Variants in IARS1 observed in about 807,000 individuals in gnomAD.
The protein encoded by IARS1 is isoleucyl-tRNA synthetase 1, also known as isoleucine--tRNA ligase, cytoplasmic.
A neutral mutation model predicts 168.2 loss-of-function variants in IARS1; 124 were observed. That is an observed-to-expected ratio of 0.74 (90% CI 0.64 to 0.86). The LOEUF is 0.86. Ranked by LOEUF, IARS1 falls within the 40% of genes least tolerant of loss-of-function variation. The pLI is 0.00. For synonymous variants in IARS1, 532 were observed against 529.4 expected (o/e 1.00, Z -0.07); for missense variants, 1,452 against 1,515.8 (o/e 0.96, Z 0.70).
intron 33 of IARS1, among the ~76,000 whole-genome samples, chr9:92,220,199 A>T (rs1450029479): frequency 6.8e-6 from 1 of 146,242 alleles, no homozygotes; most frequent in Non-Finnish European, 1.5e-5. Flanking sequence ...ATTCTCACTC[A>T]TAGGTGGGAA....
In IARS1 at chr9:92,247,539, G is replaced by A. The variant is rs770289543; in HGVS notation, c.2629C>T (p.Arg877Ter). 10 of 1,612,816 alleles carry A rather than the reference G, an allele frequency of 6.2e-6. No individual in the cohort carries two copies. The highest frequency in any genetic ancestry group is 2.2e-5 in the East Asian group (1 of 44,884). The change falls in exon 26 of 34, where the codon CGA becomes TGA. Residue 877 changes from arginine (R) to a stop codon, truncating the protein, a stop_gained. Coordinates refer to ENST00000443024, the MANE Select transcript of IARS1 (RefSeq NM_002161.6). LOFTEE classifies it high-confidence loss of function. ...EKYIIEELNV[R>*]KVTLSTDKNK... ...TTATCTGTAGACAGTGTAACTTTTC[G>A]AACATTGAGTTCCTACAGTTAATGC...
chr9:92,270,015 C>G, intron 12 of IARS1, 32 bp from the exon 13 acceptor site: 10 of 1,370,666 alleles, frequency 7.3e-6, no homozygotes, highest in Non-Finnish European at 1.0e-5. Flanking sequence ...CATAGCTGCT[C>G]AGGCTGAGAC....
Position 92,258,857 on chromosome 9 carries a change from C to T in IARS1, c.2013G>A (p.Gln671=). ...TGCAGCCCCCTACAGCCCATACCTTCTGGAGCCTCAGAACGTTCTGGATTA... is the reference window on the plus strand; with the variant it reads ...TGCAGCCCCCTACAGCCCATACCTTTTGGAGCCTCAGAACGTTCTGGATTA... The part of the protein sequence containing the change: ...RFLIQNVLRL[Q]KEEEIEFLYN... Residue 671 remains glutamine (Q), a synonymous_variant, in exon 19 of 34, where the codon CAG becomes CAA. Transcript: ENST00000443024. 6.2e-7 allele frequency: 1 copy of T among 1,607,390 alleles called. No homozygotes were observed. The highest frequency in any genetic ancestry group is 1.1e-5 in the South Asian group (1 of 89,868).
intron 22 of IARS1, 81 bp downstream of exon 22, chr9:92,251,727 T>C: frequency 1.1e-6 from 1 of 915,020 alleles, no homozygotes; most frequent in Admixed American, 2.0e-5. Flanking sequence ...AGAATGGATA[T>C]AAATGGAGGA....
chr9:92,246,365 CCAGGATAGTTA>C (rs1380402478), intron 26 of IARS1, among the ~76,000 whole-genome samples: 1 of 152,058 alleles, frequency 6.6e-6, no homozygotes, highest in Non-Finnish European at 1.5e-5. Flanking sequence ...AGCTTGTGCC[CCAGGATAGTTA>C]CAGGATGTCA....
At chr9:92,221,405 AG>A (rs1371415884) in intron 33 of IARS1, among the ~76,000 whole-genome samples, 1 of 152,244 alleles carries the variant, frequency 6.6e-6, no homozygotes, top group Non-Finnish European at 1.5e-5. Flanking sequence ...TACAAATAAA[AG>A]GATGGGATGG....
chr9:92,262,139 T>G (rs1167649213), intron 17 of IARS1, among the ~76,000 whole-genome samples: 1 of 151,904 alleles, frequency 6.6e-6, no homozygotes, highest in Non-Finnish European at 1.5e-5. Flanking sequence ...CATTTACCAC[T>G]CATTTGCTGT....
intron 26 of IARS1, among the ~76,000 whole-genome samples, chr9:92,245,768 ATTTT>A (rs572872450): frequency 7.0e-6 from 1 of 143,386 alleles, no homozygotes; most frequent in Non-Finnish European, 1.5e-5. Context: ...TAGCCCAGGA[ATTTT>A]TTTTTTTTTT....
At chr9:92,226,474 T>C (rs1825701225) in intron 31 of IARS1, among the ~76,000 whole-genome samples, 1 of 152,236 alleles carries the variant, frequency 6.6e-6, no homozygotes, top group African/African-American at 2.4e-5. Flanking sequence ...ATTTAAAAGT[T>C]TCTGAAAATG....
At chr9:92,239,276 C>T (rs1252256663) in intron 30 of IARS1, among the ~76,000 whole-genome samples, 1 of 152,056 alleles carries the variant, frequency 6.6e-6, no homozygotes, top group African/African-American at 2.4e-5. Context: ...TTGAGAATGT[C>T]TTTATTTTCC....
chr9:92,218,873 T>TC (rs1288484589), intron 33 of IARS1, among the ~76,000 whole-genome samples: 1 of 151,616 alleles, frequency 6.6e-6, no homozygotes, highest in African/African-American at 2.4e-5. Context: ...TTCAATGCCA[T>TC]CCCCATCAAG....
chr9:92,269,162 T>C (rs950242549), intron 13 of IARS1, among the ~76,000 whole-genome samples: 6 of 152,186 alleles, frequency 3.9e-5, no homozygotes, highest in African/African-American at 1.4e-4. Flanking sequence ...ACCACTCTGC[T>C]AAGAAATATT....
At position 92,263,062 on chromosome 9, in the gene IARS1, A is replaced by G. The variant is rs779969274; in HGVS notation, c.1701-7T>C. On this transcript the variant is annotated splice_polypyrimidine_tract_variant and splice_region_variant and intron_variant, in intron 16 of 33. Coordinates refer to ENST00000443024, the MANE Select transcript of IARS1 (RefSeq NM_002161.6). ...CACCAGCAGGGTATAAAACCTGAAA[A>G]AAAACCCCAAACAGTTCAATAAAAA... 1 of 1,602,020 alleles carries G rather than the reference A, an allele frequency of 6.2e-7. No individual in the cohort carries two copies. The highest frequency in any genetic ancestry group is 1.1e-5 in the South Asian group (1 of 90,820).
At chr9:92,281,430 G>T (rs1448298808) in intron 6 of IARS1, among the ~76,000 whole-genome samples, 1 of 151,922 alleles carries the variant, frequency 6.6e-6, no homozygotes, top group African/African-American at 2.4e-5. Context: ...CACCATGCCT[G>T]GCCTCTGGTA....
Position 92,251,802 on chromosome 9 carries a change from T to C in IARS1, c.2307+6A>G, listed in dbSNP as rs760777530. The C allele has an allele frequency of 6.2e-7, 1 of 1,611,802 alleles. No individual in the cohort carries two copies. Among genetic ancestry groups the C allele is most frequent in the East Asian group, 2.2e-5 (1 of 44,878 alleles). On this transcript the variant is annotated splice_donor_region_variant and intron_variant, in intron 22 of 33. Coordinates refer to ENST00000443024, the MANE Select transcript of IARS1 (RefSeq NM_002161.6). ...AAGGGTACTAGAAAGAAGCCAATCATCTTACCATAAGTCTGCAAAGAGAAA... is the reference window on the plus strand; with the variant it reads ...AAGGGTACTAGAAAGAAGCCAATCACCTTACCATAAGTCTGCAAAGAGAAA...
intron 9 of IARS1, among the ~76,000 whole-genome samples, chr9:92,277,370 A>G (rs1475645021): frequency 6.6e-6 from 1 of 152,082 alleles, no homozygotes; most frequent in African/African-American, 2.4e-5. Context: ...GGTTGCAGTC[A>G]GCCAAGATCG....
intron 33 of IARS1, among the ~76,000 whole-genome samples, chr9:92,221,659 G>A (rs1839679128): frequency 6.6e-6 from 1 of 152,170 alleles, no homozygotes. Flanking sequence ...AGAACGGGAG[G>A]AGGAGAAAAT....
intron 14 of IARS1, among the ~76,000 whole-genome samples, 194 bp downstream of exon 14, chr9:92,267,980 T>G (rs904796527): frequency 3.9e-5 from 6 of 152,072 alleles, no homozygotes; most frequent in African/African-American, 1.4e-4. Context: ...TTGTATTTAA[T>G]TCAAGGAAAA....
chr9:92,271,395 C>A (rs563895443), intron 11 of IARS1, 138 bp downstream of exon 11: 1 of 1,077,128 alleles, frequency 9.3e-7, no homozygotes, highest in African/African-American at 1.6e-5. Context: ...TAACTGATAA[C>A]ATCTGTCTTT....
Sources: allele counts gnomAD v4.1 joint callset (sites outside exome capture counted in the v4.1 genomes callset), GRCh38; gene constraint gnomAD v4.1.1; transcripts MANE v1.5; gene names NCBI Gene and HGNC (gene_info 2026-07-23, HGNC 2026-07-21).